The following COL25A1 variants were observed in gnomAD, a reference collection of about 807,000 sequenced individuals.
COL25A1 encodes the protein collagen type XXV alpha 1 chain.
COL25A1 carries 103 observed loss-of-function variants against 128.4 expected under a neutral mutation model. The observed-to-expected ratio is 0.80, with a 90% confidence interval of 0.68 to 0.94. COL25A1 has a LOEUF of 0.94. COL25A1 is among the 40% of genes least tolerant of loss of function. The pLI is 0.00. For missense variants in COL25A1, 745 were observed against 840.0 expected, an observed-to-expected ratio of 0.89 and a Z score of 1.40; for synonymous variants, 279 against 277.2, an observed-to-expected ratio of 1.01 and a Z score of -0.06.
At chr4:109,033,948 T>C (rs1203451659) in intron 5 of COL25A1, among the ~76,000 whole-genome samples, 1 of 152,254 alleles carries the variant, frequency 6.6e-6, no homozygotes, top group East Asian at 1.9e-4. Flanking sequence ...TTCCTCTCAA[T>C]TGTATTGACA....
chr4:108,880,853 C>A (rs1026824426), intron 19 of COL25A1, among the ~76,000 whole-genome samples: 2 of 152,124 alleles, frequency 1.3e-5, no homozygotes, highest in Non-Finnish European at 2.9e-5. Flanking sequence ...GTGTAGAGAG[C>A]AAAGCCTAAG....
intron 8 of COL25A1, among the ~76,000 whole-genome samples, chr4:108,973,760 A>C (rs1752149623): frequency 6.6e-6 from 1 of 152,248 alleles, no homozygotes; most frequent in African/African-American, 2.4e-5. Flanking sequence ...AGGTAACAAC[A>C]AAGCATTCAC....
intron 34 of COL25A1, among the ~76,000 whole-genome samples, chr4:108,824,673 A>AT (rs1732159118): frequency 6.6e-6 from 1 of 152,186 alleles, no homozygotes; most frequent in Non-Finnish European, 1.5e-5. Context: ...AGTAACTAGT[A>AT]TTACTTTTGG....
intron 22 of COL25A1, among the ~76,000 whole-genome samples, chr4:108,861,746 A>C (rs1737248309): frequency 6.6e-6 from 1 of 151,446 alleles, no homozygotes; most frequent in Non-Finnish European, 1.5e-5. Flanking sequence ...GTGTAGATTT[A>C]AAGGTTCTTT....
At chr4:108,988,725 C>A (rs909971346) in intron 6 of COL25A1, among the ~76,000 whole-genome samples, 1 of 152,208 alleles carries the variant, frequency 6.6e-6, no homozygotes, top group African/African-American at 2.4e-5. Context: ...CTGAAAACCA[C>A]CAGGCTACTG....
At chr4:108,983,599 G>A (rs1033056493) in intron 6 of COL25A1, among the ~76,000 whole-genome samples, 3 of 152,148 alleles carry the variant, frequency 2.0e-5, no homozygotes, top group East Asian at 1.9e-4. Context: ...GCGGACCCTC[G>A]CAGTGAGTGT....
chr4:109,187,483 AG>A (rs1775244842), intron 3 of COL25A1, among the ~76,000 whole-genome samples: 1 of 152,192 alleles, frequency 6.6e-6, no homozygotes, highest in African/African-American at 2.4e-5. Context: ...CTCATTTGTA[AG>A]ATTGCCTCAT....
chr4:109,290,387 G>A (rs1724349456), intron 3 of COL25A1, among the ~76,000 whole-genome samples: 1 of 152,030 alleles, frequency 6.6e-6, no homozygotes, highest in South Asian at 2.1e-4. Context: ...CTAAAGCTTG[G>A]ATCATTAAAT....
chr4:109,119,485 A>G (rs1444149347), intron 3 of COL25A1, among the ~76,000 whole-genome samples: 2 of 152,040 alleles, frequency 1.3e-5, no homozygotes, highest in Admixed American at 1.3e-4. Context: ...ATATGAGAGT[A>G]GGAATATCAC....
intron 19 of COL25A1, among the ~76,000 whole-genome samples, chr4:108,870,622 T>C (rs1738595371): frequency 6.6e-6 from 1 of 152,180 alleles, no homozygotes; most frequent in African/African-American, 2.4e-5. Flanking sequence ...CTGAACTATA[T>C]TCAGAGAAAT....
intron 3 of COL25A1, among the ~76,000 whole-genome samples, chr4:109,080,823 G>A (rs1409950236): frequency 1.3e-5 from 2 of 152,050 alleles, no homozygotes; most frequent in African/African-American, 4.8e-5. Flanking sequence ...CACCCTCAGT[G>A]AAACTGTTCT....
chr4:108,821,371 A>G (rs2125709992), intron 35 of COL25A1, among the ~76,000 whole-genome samples: 1 of 152,334 alleles, frequency 6.6e-6, no homozygotes, highest in South Asian at 2.1e-4. Context: ...GATGGGAAGA[A>G]CATTCAGGAG....
chr4:109,072,714 G>A (rs1763070871), intron 3 of COL25A1, among the ~76,000 whole-genome samples: 1 of 152,156 alleles, frequency 6.6e-6, no homozygotes, highest in South Asian at 2.1e-4. Flanking sequence ...TGAAGGCTCT[G>A]AGATGACAAC....
At chr4:109,012,952 G>A (rs1047843805) in intron 5 of COL25A1, among the ~76,000 whole-genome samples, 6 of 152,234 alleles carry the variant, frequency 3.9e-5, no homozygotes, top group African/African-American at 1.2e-4. Context: ...GTGGGAACTT[G>A]GAGAACTTTT....
chr4:109,042,670 A>G (rs183586394), intron 5 of COL25A1, among the ~76,000 whole-genome samples: 6 of 152,244 alleles, frequency 3.9e-5, no homozygotes, highest in Admixed American at 3.3e-4. Context: ...GAGTCCAAAT[A>G]TAAATTTTTA....
At chr4:109,246,284 T>A (rs902279652) in intron 3 of COL25A1, among the ~76,000 whole-genome samples, 4 of 152,188 alleles carry the variant, frequency 2.6e-5, no homozygotes, top group African/African-American at 7.2e-5. Flanking sequence ...AAAATGCAAA[T>A]GACAAATCTA....
At chr4:108,942,087 C>T in intron 8 of COL25A1, 1 of 880,394 alleles carries the variant, frequency 1.1e-6, no homozygotes, top group South Asian at 1.6e-5. Flanking sequence ...CCCAAGTGCC[C>T]AGTAACTTGA....
intron 3 of COL25A1, among the ~76,000 whole-genome samples, chr4:109,176,371 A>C (rs746172149): frequency 1.3e-5 from 2 of 152,208 alleles, no homozygotes; most frequent in Non-Finnish European, 2.9e-5. Context: ...GCCTGGTGAC[A>C]GAGTGAGACT....
At chr4:108,840,446 G>A (rs1240835486) in intron 31 of COL25A1, among the ~76,000 whole-genome samples, 2 of 151,968 alleles carry the variant, frequency 1.3e-5, no homozygotes, top group African/African-American at 4.8e-5. Context: ...CTTACTGGAA[G>A]GTAAGGTAGT....
Sources: allele counts gnomAD v4.1 joint callset (sites outside exome capture counted in the v4.1 genomes callset), GRCh38; gene constraint gnomAD v4.1.1; transcripts MANE v1.5; gene names NCBI Gene and HGNC (gene_info 2026-07-23, HGNC 2026-07-21).